Variants in NUMB observed in about 807,000 individuals in gnomAD.
NUMB encodes NUMB endocytic adaptor protein.
NUMB carries 29 observed loss-of-function variants against 59.7 expected under a neutral mutation model. That is an observed-to-expected ratio of 0.49 (90% confidence interval 0.36 to 0.66). The LOEUF (loss-of-function observed/expected upper bound fraction) is 0.66, where lower values mean the gene tolerates loss of function less well. Ranked by LOEUF, NUMB falls within the 30% of genes least tolerant of loss-of-function variation. NUMB has a pLI of 0.00. For synonymous variants in NUMB, 288 were observed against 288.2 expected (o/e 1.00, Z 0.01); for missense variants, 723 against 822.0 (o/e 0.88, Z 1.47).
intron 7 of NUMB, among the ~76,000 whole-genome samples, chr14:73,296,159 T>C (rs114460106): frequency 7.2e-4 from 109 of 152,220 alleles, no homozygotes; most frequent in African/African-American, 2.5e-3. Flanking sequence ...AGAACAAAAA[T>C]AGGCCACGAG....
intron 1 of NUMB, among the ~76,000 whole-genome samples, chr14:73,432,169 A>G (rs1450561382): frequency 1.3e-5 from 2 of 152,160 alleles, no homozygotes; most frequent in Non-Finnish European, 2.9e-5. Flanking sequence ...AGTACTATAT[A>G]CAAAAATCAC....
In NUMB at chr14:73,287,083, A is replaced by G. The variant is rs375648071; in HGVS notation, c.655+27T>C. 1.0e-4 allele frequency: 160 copies of G among 1,605,432 alleles called. 1 individual carries two copies. The highest frequency in any genetic ancestry group is 8.3e-4 in the African/African-American group (62 of 74,736). On this transcript the variant is annotated intron_variant, in intron 9 of 12. Coordinates refer to ENST00000555238, the MANE Select transcript of NUMB (RefSeq NM_001005743.2). The stretch of plus-strand genomic sequence containing the variant: ...CTTGTTGGGAAAAACTGCATTCCAT[A>G]AATACACACTGTAGAACAGATTGTA...
chr14:73,373,463 G>C (rs1321935966), intron 2 of NUMB, among the ~76,000 whole-genome samples: 2 of 152,160 alleles, frequency 1.3e-5, no homozygotes, highest in Admixed American at 1.3e-4. Flanking sequence ...GTCTATGCTT[G>C]CCAGGCACTG....
chr14:73,411,196 T>A (rs1202641221), intron 1 of NUMB, among the ~76,000 whole-genome samples: 1 of 129,840 alleles, frequency 7.7e-6, no homozygotes, highest in African/African-American at 2.9e-5. Context: ...CATGACCGGC[T>A]AATTTTTGGG....
At chr14:73,447,687 GA>G (rs2140202062) in intron 1 of NUMB, among the ~76,000 whole-genome samples, 1 of 145,796 alleles carries the variant, frequency 6.9e-6, no homozygotes, top group Non-Finnish European at 1.5e-5. Flanking sequence ...AAAAAAAAAA[GA>G]AAAGAAAAAA....
rs563329224 is a variant in NUMB at position 73,399,467 on chromosome 14, G to A, written c.-101+10470C>T. Among the ~76,000 whole-genome samples the A allele has an allele frequency of 3.9e-3, 588 of 152,296 alleles. 5 individuals are homozygous for A. The highest frequency in any genetic ancestry group is 6.2e-3 in the Non-Finnish European group (424 of 68,030). ...AATCTCTGCTACTTGGAAGGCTGAG[G>A]CAGGAGAATTGCTTGAACCCAGGAC... On this transcript the variant is annotated intron_variant, in intron 2 of 12. Coordinates refer to ENST00000555238, the MANE Select transcript of NUMB (RefSeq NM_001005743.2).
At chr14:73,309,718 T>TATAATAATAATAATA (rs199953380) in intron 6 of NUMB, among the ~76,000 whole-genome samples, 17 of 137,226 alleles carry the variant, frequency 1.2e-4, no homozygotes, top group Admixed American at 2.2e-4. Flanking sequence ...GAACTTAAGG[T>TATAATAATAATAATA]ATAATAATAA....
At chr14:73,395,928 A>T (rs1426737027) in intron 2 of NUMB, among the ~76,000 whole-genome samples, 2 of 152,258 alleles carry the variant, frequency 1.3e-5, no homozygotes, top group Non-Finnish European at 2.9e-5. Flanking sequence ...AAGAGAAATA[A>T]AATCCTTAAC....
At chr14:73,438,630 CAAAAAAAA>C (rs35633693) in intron 1 of NUMB, among the ~76,000 whole-genome samples, 1 of 66,706 alleles carries the variant, frequency 1.5e-5, no homozygotes, top group African/African-American at 6.3e-5. Flanking sequence ...GACTCTGCCT[CAAAAAAAA>C]AAAAAAAAAA....
rs772714277 is a variant in NUMB at position 73,276,427 on chromosome 14, C to A, written c.*151G>T. The A allele has an allele frequency of 1.6e-6, 1 of 610,542 alleles. No individual in the cohort carries two copies. The highest frequency in any genetic ancestry group is 2.8e-6 in the Non-Finnish European group (1 of 355,302). 37.8% of individuals were successfully genotyped at this position (610,542 alleles called of 1,614,324 possible). On this transcript the variant is annotated 3_prime_UTR_variant, in exon 13 of 13. Transcript: ENST00000555238. The stretch of plus-strand genomic sequence containing the variant: ...TTTCCCATGTCTTTCAAAATCACCC[C>A]TCACAGTACTCTGGGCCTGGACTTG...
chr14:73,373,334 T>C (rs1056914339), intron 2 of NUMB, among the ~76,000 whole-genome samples: 1 of 152,204 alleles, frequency 6.6e-6, no homozygotes, highest in Non-Finnish European at 1.5e-5. Flanking sequence ...CAGGACCCAG[T>C]AGGTAGAATT....
chr14:73,317,451 G>A (rs532459807), intron 5 of NUMB, among the ~76,000 whole-genome samples: 10 of 152,182 alleles, frequency 6.6e-5, no homozygotes, highest in African/African-American at 1.9e-4. Context: ...ACAGGTGTGC[G>A]CCACCACATC....
At chr14:73,282,070 T>C (rs962139822) in intron 11 of NUMB, among the ~76,000 whole-genome samples, 1 of 152,164 alleles carries the variant, frequency 6.6e-6, no homozygotes, top group Non-Finnish European at 1.5e-5. Flanking sequence ...TGCTGATCCT[T>C]AACAGTCAAG....
chr14:73,438,623 T>A (rs1882797327), intron 1 of NUMB, among the ~76,000 whole-genome samples: 1 of 129,192 alleles, frequency 7.7e-6, no homozygotes. Flanking sequence ...ACAGCAAGAC[T>A]CTGCCTCAAA....
intron 4 of NUMB, among the ~76,000 whole-genome samples, chr14:73,339,297 A>G (rs1485909042): frequency 6.6e-6 from 1 of 152,156 alleles, no homozygotes; most frequent in Admixed American, 6.5e-5. Flanking sequence ...TACTAAACCA[A>G]TGGTCTGGTA....
chr14:73,432,636 T>C (rs750395744), intron 1 of NUMB, among the ~76,000 whole-genome samples: 5 of 152,122 alleles, frequency 3.3e-5, no homozygotes, highest in Non-Finnish European at 5.9e-5. Flanking sequence ...ATCATGTTTA[T>C]TAACATTCAA....
intron 2 of NUMB, among the ~76,000 whole-genome samples, chr14:73,399,906 C>T (rs1896328009): frequency 6.6e-6 from 1 of 151,254 alleles, no homozygotes; most frequent in Admixed American, 6.6e-5. Context: ...AGCTGGATGT[C>T]GTGGCATCTG....
intron 2 of NUMB, among the ~76,000 whole-genome samples, chr14:73,368,579 G>A (rs145498053): frequency 0.014 from 2,146 of 150,022 alleles, 47 homozygotes; most frequent in African/African-American, 0.049. Context: ...GCAAGACTCC[G>A]TCTCCAAAAA....
intron 11 of NUMB, 52 bp from the exon 12 acceptor site, chr14:73,279,476 A>G (rs764261710): frequency 2.0e-6 from 3 of 1,513,728 alleles, no homozygotes; most frequent in Non-Finnish European, 2.7e-6. Context: ...AGGGTGTACA[A>G]GTGACCCCTT....
Sources: allele counts gnomAD v4.1 joint callset (sites outside exome capture counted in the v4.1 genomes callset), GRCh38; gene constraint gnomAD v4.1.1; transcripts MANE v1.5; gene names NCBI Gene and HGNC (gene_info 2026-07-23, HGNC 2026-07-21).